NDUFA12: variants seen among roughly 807,000 people sequenced by gnomAD.
NDUFA12 encodes the protein NADH dehydrogenase [ubiquinone] 1 alpha subcomplex subunit 12.
A neutral mutation model predicts 20.3 loss-of-function variants in NDUFA12; 17 were observed. The observed-to-expected ratio is 0.84, with a 90% CI of 0.57 to 1.26. The LOEUF (loss-of-function observed/expected upper bound fraction) is 1.26. Ranked by LOEUF, NDUFA12 falls within the 50% of genes most tolerant of loss-of-function variation. The probability of loss-of-function intolerance (pLI) is 0.00; values close to 1 mark genes in which losing one functional copy is unlikely to be tolerated. For synonymous variants in NDUFA12, 72 were observed against 63.6 expected (o/e 1.13, Z -0.63); for missense variants, 191 against 183.7 (o/e 1.04, Z -0.23).
intron 3 of NDUFA12, among the ~76,000 whole-genome samples, chr12:94,985,017 A>C (rs201758428): frequency 8.7e-5 from 1 of 11,438 alleles, no homozygotes. Flanking sequence ...AATAAGATAA[A>C]ATAAAATAAA....
chr12:94,991,726 CAAA>C (rs367869799), intron 3 of NDUFA12, among the ~76,000 whole-genome samples: 6 of 113,160 alleles, frequency 5.3e-5, no homozygotes, highest in Non-Finnish European at 9.0e-5. Context: ...GACGCTATCT[CAAA>C]AAAAAAAAAA....
intron 3 of NDUFA12, among the ~76,000 whole-genome samples, chr12:94,986,605 T>G (rs1253405102): frequency 6.9e-6 from 1 of 144,310 alleles, no homozygotes; most frequent in Non-Finnish European, 1.5e-5. Context: ...AATTTTAGCC[T>G]GGGCAACACT....
chr12:94,996,473 C>T (rs1874837065), intron 2 of NDUFA12, among the ~76,000 whole-genome samples: 1 of 151,598 alleles, frequency 6.6e-6, no homozygotes, highest in African/African-American at 2.4e-5. Flanking sequence ...CATGCCAGGC[C>T]CTAATTTTTT....
At chr12:94,998,385 G>A (rs1455879879) in intron 2 of NDUFA12, among the ~76,000 whole-genome samples, 1 of 152,076 alleles carries the variant, frequency 6.6e-6, no homozygotes, top group African/African-American at 2.4e-5. Flanking sequence ...TACCGAATGG[G>A]GAAAGGCTGA....
chr12:94,997,515 C>G (rs572018028), intron 2 of NDUFA12: 149 of 152,264 alleles, frequency 9.8e-4, no homozygotes, highest in African/African-American at 3.5e-3. Context: ...TGATACTTTT[C>G]ATCTCAATCA....
At chr12:94,972,891 A>G (rs1163767720) in intron 3 of NDUFA12, among the ~76,000 whole-genome samples, 1 of 127,436 alleles carries the variant, frequency 7.8e-6, no homozygotes, top group Non-Finnish European at 1.7e-5. Context: ...CAGGAAGCTA[A>G]GCTGAGGGGT....
chr12:94,989,265 C>A (rs1249076477), intron 3 of NDUFA12, among the ~76,000 whole-genome samples: 1 of 152,124 alleles, frequency 6.6e-6, no homozygotes, highest in Non-Finnish European at 1.5e-5. Flanking sequence ...GTTTTTCTGC[C>A]TTCCCCTATG....
chr12:94,971,875 C>T (rs1021495903), intron 3 of NDUFA12: 1 of 663,706 alleles, frequency 1.5e-6, no homozygotes, highest in Non-Finnish European at 2.7e-6. Flanking sequence ...AGATACGCAA[C>T]AAATGTTAGC....
At chr12:94,989,674 T>C (rs55638253) in intron 3 of NDUFA12, among the ~76,000 whole-genome samples, 49,025 of 152,194 alleles carry the variant, frequency 0.32, 8,305 homozygotes, top group East Asian at 0.42. Context: ...CACTTGCCCT[T>C]AGGCACCTGC....
At chr12:94,978,306 G>A (rs2136060221) in intron 3 of NDUFA12, among the ~76,000 whole-genome samples, 1 of 152,332 alleles carries the variant, frequency 6.6e-6, no homozygotes, top group Middle Eastern at 3.4e-3. Context: ...GACTGTAGAT[G>A]TCCAGGCAAG....
chr12:95,000,688 C>G (rs554917315), intron 2 of NDUFA12, among the ~76,000 whole-genome samples: 2 of 152,324 alleles, frequency 1.3e-5, no homozygotes, highest in South Asian at 4.1e-4. Context: ...TGTTGAATCT[C>G]TATCATCTGA....
chr12:95,000,889 A>G (rs778209411), intron 2 of NDUFA12, among the ~76,000 whole-genome samples: 10 of 152,288 alleles, frequency 6.6e-5, no homozygotes, highest in Non-Finnish European at 1.3e-4. Flanking sequence ...CAAAACACGT[A>G]TACATATGTA....
Position 94,987,646 on chromosome 12 carries a change from C to T in NDUFA12, c.257+6524G>A, listed in dbSNP as rs533654740. Among the ~76,000 whole-genome samples, 117 of 152,056 alleles carry T rather than the reference C, an allele frequency of 7.7e-4. 1 individual carries two copies. The highest frequency in any genetic ancestry group is 2.7e-3 in the African/African-American group (114 of 41,478). On this transcript the variant is annotated intron_variant, in intron 3 of 3. Coordinates refer to ENST00000327772, the MANE Select transcript of NDUFA12 (RefSeq NM_018838.5). ...TGAAACCCCGTCTCTACTTAAAATACAAAAATTCGCCAGGTGTAGTGGCAC... is the reference window on the plus strand; with the variant it reads ...TGAAACCCCGTCTCTACTTAAAATATAAAAATTCGCCAGGTGTAGTGGCAC...
At chr12:94,990,084 A>C (rs1392597551) in intron 3 of NDUFA12, among the ~76,000 whole-genome samples, 2 of 152,150 alleles carry the variant, frequency 1.3e-5, no homozygotes, top group East Asian at 3.9e-4. Context: ...CCTTTGGAGA[A>C]GGTTGATGGT....
At chr12:94,979,016 T>G (rs1256331543) in intron 3 of NDUFA12, among the ~76,000 whole-genome samples, 1 of 152,236 alleles carries the variant, frequency 6.6e-6, no homozygotes, top group Non-Finnish European at 1.5e-5. Context: ...ATATGTTATT[T>G]ATAATAATAA....
At chr12:94,997,872 A>G (rs1351751602) in intron 2 of NDUFA12, among the ~76,000 whole-genome samples, 2 of 152,210 alleles carry the variant, frequency 1.3e-5, no homozygotes, top group African/African-American at 4.8e-5. Context: ...TGTGCCAAGC[A>G]TTAGGCCAAT....
In NDUFA12 at chr12:95,003,683, T is replaced by C. The variant is rs761326361; in HGVS notation, c.-3A>G. 1.2e-6 allele frequency: 2 copies of C among 1,614,146 alleles called. No homozygotes were observed. Among genetic ancestry groups the C allele is most frequent in the African/African-American group, 1.3e-5 (1 of 75,034 alleles). ...TTCAGGACCTGCACTAACTCCATCT[T>C]GCCTCGCTGGCCCCGCCTCCCGGGT... On this transcript the variant is annotated 5_prime_UTR_variant, in exon 1 of 4. Transcript: ENST00000327772.
intron 2 of NDUFA12, among the ~76,000 whole-genome samples, chr12:94,999,926 A>G (rs763686678): frequency 6.6e-6 from 1 of 152,232 alleles, no homozygotes; most frequent in Non-Finnish European, 1.5e-5. Context: ...GAGATTCCTT[A>G]AAGAACTGAA....
intron 3 of NDUFA12, among the ~76,000 whole-genome samples, chr12:94,987,694 G>T (rs1039654438): frequency 1.3e-5 from 2 of 149,150 alleles, no homozygotes; most frequent in African/African-American, 4.9e-5. Context: ...CCACCTACTT[G>T]GGAGGCTGAG....
Sources: allele counts gnomAD v4.1 joint callset (sites outside exome capture counted in the v4.1 genomes callset), GRCh38; gene constraint gnomAD v4.1.1; transcripts MANE v1.5; gene names NCBI Gene and HGNC (gene_info 2026-07-23, HGNC 2026-07-21).